The following ENOX1 variants were observed in gnomAD, a reference collection of about 807,000 sequenced individuals.
ENOX1 encodes the protein candidate growth-related and time keeping constitutive hydroquinone (NADH) oxidase.
In ENOX1, 42 loss-of-function variants were observed where a neutral mutation model predicts 82.5. That is an observed-to-expected ratio of 0.51 (90% confidence interval 0.40 to 0.66). The LOEUF (loss-of-function observed/expected upper bound fraction) is 0.66. Ranked by LOEUF, ENOX1 falls within the 30% of genes least tolerant of loss-of-function variation. The pLI is 0.00. For missense variants in ENOX1, 608 were observed against 811.6 expected (o/e 0.75, Z 3.05); for synonymous variants, 271 against 282.2 (o/e 0.96, Z 0.40).
chr13:43,641,548 T>TTTTTTTTG, intron 2 of ENOX1, among the ~76,000 whole-genome samples: 1 of 138,088 alleles, frequency 7.2e-6, no homozygotes, highest in Admixed American at 7.3e-5. Flanking sequence ...TTTTTTTTTT[T>TTTTTTTTG]TTTTTGAGAC....
chr13:43,506,317 A>C (rs1415914608), intron 2 of ENOX1, among the ~76,000 whole-genome samples: 1 of 151,052 alleles, frequency 6.6e-6, no homozygotes, highest in Non-Finnish European at 1.5e-5. Context: ...AATGGCGATC[A>C]TTAAAAAGTC....
In ENOX1 at chr13:43,667,521, G is replaced by A. The variant is rs1020134609; in HGVS notation, c.-261C>T. ...TCTCTCCTCCACATATTATAAATACGACATCATGCTGGCAGCAAAGGACCT... is the reference window on the plus strand; with the variant it reads ...TCTCTCCTCCACATATTATAAATACAACATCATGCTGGCAGCAAAGGACCT... On this transcript the variant is annotated 5_prime_UTR_variant, in exon 2 of 17. Transcript: ENST00000690772. 3 of 984,964 alleles carry A rather than the reference G, an allele frequency of 3.0e-6. No individual in the cohort carries two copies. Among genetic ancestry groups the A allele is most frequent in the African/African-American group, 1.7e-5 (1 of 57,186 alleles). The allele number at this position is 984,964 out of a possible 1,614,324, so 61.0% of individuals were successfully genotyped here.
chr13:43,322,642 G>T, intron 10 of ENOX1, 141 bp from the exon 11 acceptor site: 1 of 690,200 alleles, frequency 1.4e-6, no homozygotes, highest in Non-Finnish European at 2.4e-6. Flanking sequence ...CTAACCTAAA[G>T]GAGGTTCTGA....
At chr13:43,682,271 T>A (rs1010183647) in intron 1 of ENOX1, among the ~76,000 whole-genome samples, 3 of 152,126 alleles carry the variant, frequency 2.0e-5, no homozygotes, top group African/African-American at 4.8e-5. Context: ...ATAAAAGGTA[T>A]GAACTCACTG....
chr13:43,332,885 C>T (rs1017044789), intron 9 of ENOX1, among the ~76,000 whole-genome samples: 2 of 152,114 alleles, frequency 1.3e-5, no homozygotes, highest in African/African-American at 4.8e-5. Flanking sequence ...AAAAGTCTAC[C>T]TTCCCATCTT....
intron 2 of ENOX1, among the ~76,000 whole-genome samples, chr13:43,576,965 A>T (rs898520260): frequency 1.3e-5 from 2 of 152,204 alleles, no homozygotes; most frequent in Non-Finnish European, 1.5e-5. Flanking sequence ...TAATTCAATC[A>T]CTATTCCAAT....
chr13:43,274,112 A>G (rs1477516679), intron 12 of ENOX1, among the ~76,000 whole-genome samples: 1 of 152,250 alleles, frequency 6.6e-6, no homozygotes, highest in African/African-American at 2.4e-5. Flanking sequence ...GGATACATAA[A>G]ACTTTTTGAG....
intron 3 of ENOX1, among the ~76,000 whole-genome samples, chr13:43,424,696 C>A (rs1158026128): frequency 6.6e-6 from 1 of 152,186 alleles, no homozygotes; most frequent in Non-Finnish European, 1.5e-5. Flanking sequence ...AGAGACTTTG[C>A]TTTATCTTTC....
intron 2 of ENOX1, among the ~76,000 whole-genome samples, chr13:43,525,569 C>T (rs898697822): frequency 2.0e-5 from 3 of 152,092 alleles, no homozygotes; most frequent in Non-Finnish European, 2.9e-5. Flanking sequence ...CCGTTTCCCA[C>T]AGCAGCTGCA....
At chr13:43,453,794 G>A (rs1208636985) in intron 3 of ENOX1, among the ~76,000 whole-genome samples, 1 of 152,168 alleles carries the variant, frequency 6.6e-6, no homozygotes, top group Non-Finnish European at 1.5e-5. Context: ...ATGTGTGAAT[G>A]GAAGGTGAAC....
intron 1 of ENOX1, among the ~76,000 whole-genome samples, chr13:43,773,368 A>G (rs1951749009): frequency 6.6e-6 from 1 of 152,242 alleles, no homozygotes; most frequent in South Asian, 2.1e-4. Flanking sequence ...CATGGCAGAC[A>G]AAAGCAAAAG....
chr13:43,271,621 G>C (rs1009371754), intron 12 of ENOX1, among the ~76,000 whole-genome samples: 1 of 151,864 alleles, frequency 6.6e-6, no homozygotes, highest in Non-Finnish European at 1.5e-5. Flanking sequence ...AAGTGCATTG[G>C]AGTCTTCATT....
intron 15 of ENOX1, among the ~76,000 whole-genome samples, chr13:43,224,599 G>T (rs999994263): frequency 1.1e-4 from 17 of 152,156 alleles, no homozygotes; most frequent in African/African-American, 4.1e-4. Flanking sequence ...GATATGAAAA[G>T]TATTTAATCT....
Position 43,284,608 on chromosome 13 carries a change from A to G in ENOX1, c.1446+13738T>C, listed in dbSNP as rs147120446. ...AAGAGAACAAAAGGAAGAAGAAAAT[A>G]TGATAATTTATTTTTATCTCTTTGA... On this transcript the variant is annotated intron_variant, in intron 12 of 16. Coordinates refer to ENST00000690772, the MANE Select transcript of ENOX1 (RefSeq NM_001347969.2). 3.3e-5 allele frequency among the ~76,000 whole-genome samples: 5 copies of G among 152,240 alleles called. No homozygotes were observed. The East Asian group carries it at 9.6e-4, about 29-fold the overall frequency.
At chr13:43,620,506 A>G (rs1024705466) in intron 2 of ENOX1, among the ~76,000 whole-genome samples, 4 of 152,130 alleles carry the variant, frequency 2.6e-5, no homozygotes, top group East Asian at 1.9e-4. Context: ...TTCTGACCCA[A>G]TGCTCATTCA....
chr13:43,470,055 A>G (rs2057919358), intron 3 of ENOX1, among the ~76,000 whole-genome samples: 3 of 151,474 alleles, frequency 2.0e-5, no homozygotes, highest in African/African-American at 7.3e-5. Flanking sequence ...TGCTGGAAGA[A>G]TTAAATATCC....
At chr13:43,325,093 CA>C (rs2048034022) in intron 10 of ENOX1, among the ~76,000 whole-genome samples, 1 of 152,128 alleles carries the variant, frequency 6.6e-6, no homozygotes, top group Admixed American at 6.5e-5. Context: ...TACTGCATCA[CA>C]AACAGAGGAC....
At chr13:43,553,916 T>G (rs542674079) in intron 2 of ENOX1, among the ~76,000 whole-genome samples, 1 of 152,134 alleles carries the variant, frequency 6.6e-6, no homozygotes, top group African/African-American at 2.4e-5. Context: ...GCCCAGCTAA[T>G]TTTTGTATTT....
intron 3 of ENOX1, among the ~76,000 whole-genome samples, chr13:43,482,144 A>C (rs1467439044): frequency 6.6e-6 from 1 of 152,222 alleles, no homozygotes; most frequent in South Asian, 2.1e-4. Flanking sequence ...TTCTGGGTAC[A>C]TATCAAAAAA....
Sources: gnomAD v4.1 joint callset for allele counts (sites outside exome capture counted in the v4.1 genomes callset) on GRCh38, gnomAD v4.1.1 for gene constraint, MANE v1.5 for transcripts, NCBI Gene and HGNC (gene_info 2026-07-23, HGNC 2026-07-21) for gene names.